The following CSMD2 variants were observed in gnomAD, a reference collection of about 807,000 sequenced individuals.
CSMD2 encodes the protein CUB and sushi domain-containing protein 2.
Under a neutral mutation model 398.5 loss-of-function variants are expected in CSMD2, and 130 were observed. The observed-to-expected ratio is 0.33, with a 90% CI of 0.28 to 0.38. The LOEUF (loss-of-function observed/expected upper bound fraction) is 0.38, where lower values mean the gene tolerates loss of function less well. Ranked by LOEUF, CSMD2 falls within the 10% of genes least tolerant of loss-of-function variation. The pLI is 1.00. For missense variants in CSMD2, 3,829 were observed against 4,764.9 expected (o/e 0.80, Z 5.78); for synonymous variants, 1,828 against 1,908.5 (o/e 0.96, Z 1.10).
Position 34,088,962 on chromosome 1 carries a change from T to C in CSMD2, c.404+15A>G. Reference sequence around the variant, plus strand: ...GCCCAGCTGTTTGCTACAGGGAAGGTGGGCAGCATGGTACCTCGTACGCAG... The same window carrying C: ...GCCCAGCTGTTTGCTACAGGGAAGGCGGGCAGCATGGTACCTCGTACGCAG... On this transcript the variant is annotated intron_variant, in intron 2 of 70. Transcript: ENST00000373381. 6.2e-7 allele frequency: 1 copy of C among 1,607,180 alleles called. No individual in the cohort carries two copies. Among genetic ancestry groups the C allele is most frequent in the Non-Finnish European group, 8.5e-7 (1 of 1,174,872 alleles).
intron 25 of CSMD2, among the ~76,000 whole-genome samples, chr1:33,678,638 A>G (rs1478481832): frequency 6.6e-6 from 1 of 152,140 alleles, no homozygotes; most frequent in African/African-American, 2.4e-5. Context: ...GCAATAAGAA[A>G]ATAATACTTG....
chr1:33,839,290 T>C (rs1244238200), intron 6 of CSMD2: 4 of 152,244 alleles, frequency 2.6e-5, no homozygotes, highest in African/African-American at 7.2e-5. Context: ...TTGGTCATAA[T>C]TGCTGAAGAT....
intron 46 of CSMD2, 132 bp from the exon 47 acceptor site, chr1:33,583,962 C>G: frequency 1.4e-6 from 1 of 698,904 alleles, no homozygotes; most frequent in Non-Finnish European, 2.4e-6. Context: ...TAAGATCCCA[C>G]ATCCATCACT....
At chr1:33,684,607 CT>C (rs2149076624) in intron 25 of CSMD2, among the ~76,000 whole-genome samples, 1 of 152,370 alleles carries the variant, frequency 6.6e-6, no homozygotes, top group African/African-American at 2.4e-5. Flanking sequence ...AATTTATCCT[CT>C]GCACTGCTGC....
chr1:33,803,842 T>G (rs1655905591), intron 10 of CSMD2, among the ~76,000 whole-genome samples: 1 of 152,224 alleles, frequency 6.6e-6, no homozygotes, highest in Non-Finnish European at 1.5e-5. Flanking sequence ...TGCTATTGCT[T>G]TAGTTCAGGA....
In CSMD2 at chr1:33,633,239, C is replaced by A. The variant is rs1218316125; in HGVS notation, c.5200+183G>T. On this transcript the variant is annotated intron_variant, in intron 32 of 70. Transcript: ENST00000373381. The surrounding 1 kb of genome is among the most constrained non-coding windows in gnomAD (Gnocchi z 5.0). Reference sequence around the variant, plus strand: ...TCTGGGTGAGGGCAGCTGCTGAAGGCCCCGCTAGTTGGAGCTCTCACGAGC... The same window carrying A: ...TCTGGGTGAGGGCAGCTGCTGAAGGACCCGCTAGTTGGAGCTCTCACGAGC... Among the ~76,000 whole-genome samples the A allele has an allele frequency of 1.3e-5, 2 of 152,182 alleles. No homozygotes were observed. Among genetic ancestry groups the A allele is most frequent in the African/African-American group, 4.8e-5 (2 of 41,458 alleles).
chr1:33,730,835 T>G (rs1646694283), intron 15 of CSMD2, among the ~76,000 whole-genome samples: 1 of 152,180 alleles, frequency 6.6e-6, no homozygotes, highest in Non-Finnish European at 1.5e-5. Context: ...GGAAATGAAA[T>G]AAACCCATGA....
At chr1:33,699,775 C>A (rs1314441143) in intron 23 of CSMD2, among the ~76,000 whole-genome samples, 1 of 152,200 alleles carries the variant, frequency 6.6e-6, no homozygotes, top group Non-Finnish European at 1.5e-5. Flanking sequence ...ACAGCTATTG[C>A]CATAATCAGT....
At chr1:33,929,346 C>T (rs1644235142) in intron 4 of CSMD2, among the ~76,000 whole-genome samples, 1 of 149,524 alleles carries the variant, frequency 6.7e-6, no homozygotes, top group Non-Finnish European at 1.5e-5. Context: ...CCAGAGTGAT[C>T]TTTTAAAAAA....
intron 3 of CSMD2, among the ~76,000 whole-genome samples, chr1:33,940,821 AT>A (rs890683629): frequency 5.3e-5 from 8 of 152,104 alleles, no homozygotes; most frequent in Non-Finnish European, 7.4e-5. Flanking sequence ...TAATAGTCTG[AT>A]TTTTTTCCCA....
At chr1:33,614,215 G>T (rs766427368) in intron 40 of CSMD2, among the ~76,000 whole-genome samples, 1 of 149,858 alleles carries the variant, frequency 6.7e-6, no homozygotes, top group East Asian at 2.0e-4. Context: ...TACAGTGTTA[G>T]TTAGGTATAA....
chr1:33,752,167 AAAC>A (rs1648339178), intron 13 of CSMD2, among the ~76,000 whole-genome samples: 1 of 127,512 alleles, frequency 7.8e-6, no homozygotes, highest in South Asian at 2.3e-4. Context: ...GAAACAAAAC[AAAC>A]AACAAACAAA....
intron 2 of CSMD2, among the ~76,000 whole-genome samples, chr1:34,045,072 CACA>C (rs1652349042): frequency 7.3e-6 from 1 of 136,586 alleles, no homozygotes; most frequent in African/African-American, 2.5e-5. Context: ...CACACACACA[CACA>C]CACCCCTACA....
chr1:34,130,068 C>T (rs1276342942), intron 1 of CSMD2, among the ~76,000 whole-genome samples: 1 of 152,152 alleles, frequency 6.6e-6, no homozygotes, highest in Admixed American at 6.5e-5. Context: ...CCTTCCACTC[C>T]ACCCTGTGCC....
intron 47 of CSMD2, among the ~76,000 whole-genome samples, chr1:33,581,405 G>A (rs1456177035): frequency 2.0e-5 from 3 of 148,682 alleles, no homozygotes; most frequent in Non-Finnish European, 3.0e-5. Context: ...TGGTCATGGT[G>A]GTGCATGCCT....
At chr1:33,756,977 AT>A (rs1191938486) in intron 13 of CSMD2, among the ~76,000 whole-genome samples, 4 of 152,214 alleles carry the variant, frequency 2.6e-5, no homozygotes, top group African/African-American at 9.6e-5. Flanking sequence ...CTATGCAGCC[AT>A]AAAAAGTGAT....
rs1229329851 is a variant in CSMD2 at position 33,633,730 on chromosome 1, A to T, written c.5087-195T>A. On this transcript the variant is annotated intron_variant, in intron 31 of 70. Coordinates refer to ENST00000373381, the MANE Select transcript of CSMD2 (RefSeq NM_001281956.2). This position sits in a 1 kb window ranked among gnomAD's most constrained non-coding sequence, Gnocchi z 5.0. ...AGACACCCGGCACAGGGAGGCGGGG[A>T]GCTGGGAAGGCCGGGCTGGCCTTCA... 6.6e-6 allele frequency among the ~76,000 whole-genome samples: 1 copy of T among 152,082 alleles called. No homozygotes were observed. The highest frequency in any genetic ancestry group is 1.5e-5 in the Non-Finnish European group (1 of 68,016).
At chr1:33,571,471 T>G in intron 51 of CSMD2, 61 bp downstream of exon 51, 405 of 1,299,800 alleles carry the variant, frequency 3.1e-4, no homozygotes, top group Non-Finnish European at 3.8e-4. Flanking sequence ...ACTCCATGCA[T>G]GAGACAGCTT....
At chr1:33,613,421 C>T (rs1004990389) in intron 40 of CSMD2, among the ~76,000 whole-genome samples, 5 of 152,190 alleles carry the variant, frequency 3.3e-5, no homozygotes, top group African/African-American at 1.2e-4. Context: ...CCTAAGACTG[C>T]CGAGGGCGTC....
Sources: gnomAD v4.1 joint callset for allele counts (sites outside exome capture counted in the v4.1 genomes callset) on GRCh38, gnomAD v4.1.1 for gene constraint, Gnocchi (gnomAD v3.1) non-coding constraint, MANE v1.5 for transcripts, NCBI Gene and HGNC (gene_info 2026-07-23, HGNC 2026-07-21) for gene names.